Variants in KPNA3 observed in about 807,000 individuals in gnomAD.
The protein encoded by KPNA3 is karyopherin subunit alpha 3.
KPNA3 carries 13 observed loss-of-function variants against 73.8 expected under a neutral mutation model. The ratio of observed to expected loss-of-function variants is 0.18; its 90% CI spans 0.11 to 0.28. The LOEUF is 0.28. KPNA3 is among the 10% of genes least tolerant of loss of function. The pLI is 1.00. For synonymous variants in KPNA3, 186 were observed against 206.9 expected (o/e 0.90, Z 0.87); for missense variants, 360 against 618.1 (o/e 0.58, Z 4.43).
chr13:49,701,956 A>C (rs1170211770), intron 16 of KPNA3, 58 bp from the exon 17 acceptor site: 1 of 1,165,562 alleles, frequency 8.6e-7, no homozygotes, highest in African/African-American at 1.5e-5. Context: ...TTATGATGTA[A>C]GTGGAATTGA....
At chr13:49,786,893 T>C (rs1954987221) in intron 1 of KPNA3, among the ~76,000 whole-genome samples, 1 of 152,140 alleles carries the variant, frequency 6.6e-6, no homozygotes, top group Admixed American at 6.5e-5. Flanking sequence ...GAGAAGATAC[T>C]GAACACAGAA....
At chr13:49,787,804 C>A (rs868449777) in intron 1 of KPNA3, among the ~76,000 whole-genome samples, 12 of 151,988 alleles carry the variant, frequency 7.9e-5, no homozygotes, top group Admixed American at 3.9e-4. Flanking sequence ...CTCAGCCTCC[C>A]GTGTAGCTGG....
chr13:49,752,294 T>C (rs1954669449), intron 1 of KPNA3, among the ~76,000 whole-genome samples: 1 of 151,942 alleles, frequency 6.6e-6, no homozygotes, highest in Admixed American at 6.6e-5. Context: ...AAAAAAATCA[T>C]CTTGTAACAA....
At chr13:49,785,996 C>T (rs972314603) in intron 1 of KPNA3, among the ~76,000 whole-genome samples, 1 of 152,184 alleles carries the variant, frequency 6.6e-6, no homozygotes, top group South Asian at 2.1e-4. Context: ...TTTAAGAGTG[C>T]TAAACATTAA....
intron 2 of KPNA3, among the ~76,000 whole-genome samples, chr13:49,738,430 A>T (rs1314703053): frequency 6.6e-6 from 1 of 152,210 alleles, no homozygotes; most frequent in African/African-American, 2.4e-5. Context: ...TTAAACCAAC[A>T]GATCAATTTA....
In KPNA3 at chr13:49,792,536, CCTGCGG is replaced by C; in HGVS notation, c.-36_-31del. On this transcript the variant is annotated 5_prime_UTR_variant, in exon 1 of 17. Coordinates refer to ENST00000261667, the MANE Select transcript of KPNA3 (RefSeq NM_002267.4). ...GCGCGCGGCTCCGGCGGCGGCTACT[CCTGCGG>C]CTGCGGCGGCGGCGGCGGCGAATCT... 1 of 1,498,368 alleles carries C rather than the reference CCTGCGG, an allele frequency of 6.7e-7. No individual in the cohort carries two copies. The highest frequency in any genetic ancestry group is 8.9e-7 in the Non-Finnish European group (1 of 1,117,336). The allele number at this position is 1,498,368 out of a possible 1,614,324, so 92.8% of individuals were successfully genotyped here.
intron 1 of KPNA3, among the ~76,000 whole-genome samples, chr13:49,787,052 T>C (rs1433221862): frequency 2.0e-5 from 3 of 151,736 alleles, no homozygotes; most frequent in Non-Finnish European, 4.4e-5. Context: ...GAGAAGGGAG[T>C]CAAGGATAGA....
chr13:49,785,676 AG>A (rs1257400243), intron 1 of KPNA3, among the ~76,000 whole-genome samples: 1 of 152,184 alleles, frequency 6.6e-6, no homozygotes, highest in Admixed American at 6.5e-5. Context: ...AAGGGTAGGA[AG>A]AAGACTTACC....
At chr13:49,702,815 T>C (rs1395328866) in intron 15 of KPNA3, among the ~76,000 whole-genome samples, 1 of 152,186 alleles carries the variant, frequency 6.6e-6, no homozygotes, top group Admixed American at 6.5e-5. Flanking sequence ...GGCAAGTTTG[T>C]GACAGTACTA....
At chr13:49,788,147 G>A (rs1955000384) in intron 1 of KPNA3, among the ~76,000 whole-genome samples, 1 of 152,158 alleles carries the variant, frequency 6.6e-6, no homozygotes, top group African/African-American at 2.4e-5. Context: ...AGATTAAATA[G>A]ATAATCTATA....
At chr13:49,761,351 G>A (rs1024824339) in intron 1 of KPNA3, among the ~76,000 whole-genome samples, 9 of 152,146 alleles carry the variant, frequency 5.9e-5, no homozygotes, top group African/African-American at 9.7e-5. Flanking sequence ...TGATTCTCCC[G>A]CCTCAGCCTG....
intron 10 of KPNA3, among the ~76,000 whole-genome samples, chr13:49,713,208 TA>T (rs1954275290): frequency 6.6e-6 from 1 of 152,072 alleles, no homozygotes; most frequent in Non-Finnish European, 1.5e-5. Context: ...TTTACAAAGT[TA>T]AATCCCACAA....
intron 10 of KPNA3, among the ~76,000 whole-genome samples, chr13:49,711,535 G>GA (rs1954260567): frequency 6.6e-6 from 1 of 152,154 alleles, no homozygotes; most frequent in African/African-American, 2.4e-5. Context: ...TTCATCTGGG[G>GA]AAAAAACTGT....
Position 49,705,753 on chromosome 13 carries a change from G to A in KPNA3, c.1240C>T (p.Pro414Ser). 6.2e-7 allele frequency: 1 copy of A among 1,613,580 alleles called. No individual in the cohort carries two copies. Among genetic ancestry groups the A allele is most frequent in the Non-Finnish European group, 8.5e-7 (1 of 1,179,586 alleles). Reference sequence around the variant, plus strand: ...ACTGACAGTAAATTACAGAACGGTGGTATTACATTCTGCTGTACAAGGTAC... The same window carrying A: ...ACTGACAGTAAATTACAGAACGGTGATATTACATTCTGCTGTACAAGGTAC... ...VEYLVQQNVIPPFCNLLSVKD... is the reference protein window; with the variant it reads ...VEYLVQQNVISPFCNLLSVKD... Residue 414 changes from proline (P) to serine (S), a missense_variant, in exon 15 of 17, where the codon CCA (proline) becomes TCA (serine). This residue lies in a region of KPNA3 where 287 missense variants were observed against 549.1 expected (regional missense o/e 0.52). Transcript: ENST00000261667.
intron 2 of KPNA3, among the ~76,000 whole-genome samples, chr13:49,741,086 T>C (rs1035830082): frequency 2.0e-5 from 3 of 152,236 alleles, no homozygotes; most frequent in Admixed American, 6.5e-5. Flanking sequence ...TCGGGTATTG[T>C]GATGCAATAA....
At chr13:49,769,062 G>C (rs1055148065) in intron 1 of KPNA3, among the ~76,000 whole-genome samples, 2 of 152,136 alleles carry the variant, frequency 1.3e-5, no homozygotes, top group Non-Finnish European at 2.9e-5. Context: ...CCTCCAGTTT[G>C]TCTGCTTTTG....
At chr13:49,764,831 A>G (rs1396524168) in intron 1 of KPNA3, among the ~76,000 whole-genome samples, 2 of 152,090 alleles carry the variant, frequency 1.3e-5, no homozygotes, top group African/African-American at 4.8e-5. Context: ...AAATTTTTGA[A>G]AAAGTAGTCT....
intron 1 of KPNA3, among the ~76,000 whole-genome samples, chr13:49,767,732 A>C (rs1954820651): frequency 1.3e-5 from 2 of 152,176 alleles, no homozygotes; most frequent in East Asian, 1.9e-4. Context: ...TCTGAACCCC[A>C]GAGTCCCCAC....
chr13:49,746,799 T>G (rs1317243018), intron 2 of KPNA3, 150 bp downstream of exon 2: 3 of 606,300 alleles, frequency 4.9e-6, no homozygotes, highest in Non-Finnish European at 8.7e-6. Context: ...ATGAAAGCTA[T>G]TATGAATAAG....
Sources: allele counts gnomAD v4.1 joint callset (sites outside exome capture counted in the v4.1 genomes callset), GRCh38; gene constraint gnomAD v4.1.1; regional missense constraint gnomAD v4.1.1; transcripts MANE v1.5; gene names NCBI Gene and HGNC (gene_info 2026-07-23, HGNC 2026-07-21).